The following PTPRD variants were observed in gnomAD, a reference collection of about 807,000 sequenced individuals.
PTPRD encodes receptor-type tyrosine-protein phosphatase delta.
PTPRD carries 34 observed loss-of-function variants against 214.5 expected under a neutral mutation model. That is an observed-to-expected ratio of 0.16 (90% CI 0.12 to 0.21). PTPRD has a LOEUF of 0.21. Among genes scored for constraint, PTPRD ranks in the 10% least tolerant of loss-of-function variants. The pLI, the probability that PTPRD is intolerant of heterozygous loss-of-function variation, is 1.00. For missense variants in PTPRD, 2,545 were observed against 2,398.7 expected, an observed-to-expected ratio of 1.06 and a Z score of -1.27; for synonymous variants, 1,128 against 845.7, an observed-to-expected ratio of 1.33 and a Z score of -5.79.
At chr9:10,371,884 T>A (rs1052964444) in intron 2 of PTPRD, among the ~76,000 whole-genome samples, 4 of 152,126 alleles carry the variant, frequency 2.6e-5, no homozygotes, top group African/African-American at 9.7e-5. Flanking sequence ...GTAAAACAGC[T>A]GATTGCATTT....
At chr9:8,580,814 A>C (rs542240508) in intron 14 of PTPRD, among the ~76,000 whole-genome samples, 2 of 152,306 alleles carry the variant, frequency 1.3e-5, no homozygotes, top group South Asian at 4.1e-4. Context: ...AGCAAATAGC[A>C]AATGTGGATA....
chr9:8,456,707 A>T (rs2096216604), intron 33 of PTPRD, among the ~76,000 whole-genome samples: 1 of 152,272 alleles, frequency 6.6e-6, no homozygotes, highest in Admixed American at 6.5e-5. Context: ...ACTGAAGCCT[A>T]CATTTCAGTC....
chr9:8,702,899 G>C (rs548398370), intron 12 of PTPRD, among the ~76,000 whole-genome samples: 1 of 152,164 alleles, frequency 6.6e-6, no homozygotes, highest in Non-Finnish European at 1.5e-5. Flanking sequence ...GAGCCACTGC[G>C]CCCGGCCATA....
chr9:10,319,673 TTAGAAGTATAACTACTCATC>T (rs1288784043), intron 3 of PTPRD, among the ~76,000 whole-genome samples: 4 of 152,022 alleles, frequency 2.6e-5, no homozygotes, highest in Admixed American at 2.6e-4. Context: ...ATGAATGCAG[TTAGAAGTATAACTACTCATC>T]TAGTGTTTGT....
At chr9:8,497,025 C>A (rs2097290287) in intron 26 of PTPRD, among the ~76,000 whole-genome samples, 1 of 152,150 alleles carries the variant, frequency 6.6e-6, no homozygotes, top group East Asian at 1.9e-4. Context: ...ATATCACAAG[C>A]CCATGACATT....
At chr9:8,384,846 A>T (rs1313790692) in intron 37 of PTPRD, among the ~76,000 whole-genome samples, 1 of 152,068 alleles carries the variant, frequency 6.6e-6, no homozygotes, top group Non-Finnish European at 1.5e-5. Flanking sequence ...GTATTTCTTT[A>T]TATACCCTAA....
chr9:9,773,572 C>T (rs2098771085), intron 5 of PTPRD, among the ~76,000 whole-genome samples: 3 of 152,144 alleles, frequency 2.0e-5, no homozygotes, highest in African/African-American at 7.2e-5. Context: ...CCATCCTCTG[C>T]TCCATTCCCT....
At chr9:8,829,446 G>C (rs1011706548) in intron 11 of PTPRD, among the ~76,000 whole-genome samples, 1 of 152,124 alleles carries the variant, frequency 6.6e-6, no homozygotes, top group Non-Finnish European at 1.5e-5. Flanking sequence ...TTATCATTTT[G>C]TGCATACATC....
chr9:9,880,633 G>A (rs1161550764), intron 5 of PTPRD, among the ~76,000 whole-genome samples: 2 of 152,144 alleles, frequency 1.3e-5, no homozygotes, highest in Non-Finnish European at 2.9e-5. Flanking sequence ...GGGACTCTGT[G>A]TGTGTTGTGT....
At chr9:10,352,372 T>C (rs978032442) in intron 2 of PTPRD, among the ~76,000 whole-genome samples, 1 of 152,060 alleles carries the variant, frequency 6.6e-6, no homozygotes, top group African/African-American at 2.4e-5. Flanking sequence ...TATACTCGAT[T>C]GAATGTTTTG....
At chr9:9,072,416 G>C (rs978234519) in intron 10 of PTPRD, among the ~76,000 whole-genome samples, 2 of 151,944 alleles carry the variant, frequency 1.3e-5, no homozygotes, top group African/African-American at 4.8e-5. Context: ...GGAAGCCAAT[G>C]TTGTAAGAAG....
intron 8 of PTPRD, among the ~76,000 whole-genome samples, chr9:9,514,839 G>C (rs2096795483): frequency 6.6e-6 from 1 of 151,958 alleles, no homozygotes. Flanking sequence ...GCCTACTCTG[G>C]AAATAGCTCC....
At chr9:10,395,630 T>C (rs1246875719) in intron 2 of PTPRD, among the ~76,000 whole-genome samples, 3 of 151,940 alleles carry the variant, frequency 2.0e-5, no homozygotes, top group Admixed American at 6.6e-5. Flanking sequence ...TGACTAATTG[T>C]TGTCCTGCCA....
Position 8,449,854 on chromosome 9 carries a change from G to T in PTPRD, c.3876-17C>A. On this transcript the variant is annotated splice_polypyrimidine_tract_variant and intron_variant, in intron 33 of 45. Transcript: ENST00000381196. Reference sequence around the variant, plus strand: ...GCCCTCTTCCTATAGGGGGAAAATAGAAATTTAAGAAGAAAAGAAAAATCA... The same window carrying T: ...GCCCTCTTCCTATAGGGGGAAAATATAAATTTAAGAAGAAAAGAAAAATCA... 1.2e-6 allele frequency: 2 copies of T among 1,607,950 alleles called. No homozygotes were observed. Among genetic ancestry groups the T allele is most frequent in the East Asian group, 2.2e-5 (1 of 44,834 alleles).
intron 2 of PTPRD, among the ~76,000 whole-genome samples, chr9:10,365,614 T>C (rs1248914732): frequency 1.3e-5 from 2 of 152,162 alleles, no homozygotes; most frequent in African/African-American, 2.4e-5. Context: ...TATCGACTTC[T>C]AGCAGGCAAG....
chr9:9,251,910 C>G (rs2099975626), intron 9 of PTPRD, among the ~76,000 whole-genome samples: 1 of 152,040 alleles, frequency 6.6e-6, no homozygotes, highest in Non-Finnish European at 1.5e-5. Flanking sequence ...TTTCCTTTCC[C>G]AAGTGAAATA....
rs2135963704 is a variant in PTPRD at position 8,486,215 on chromosome 9, G to A, written c.2602C>T (p.Leu868Phe). ...LKFGRKDMEP[L>F]TTLEFSEKED... is the part of the protein sequence containing the mutation. ...TTTTCAGAGAACTCAAGAGTAGTAAGTGGCTCCATATCCTTGCGGCCAAAT... is the reference window on the plus strand; with the variant it reads ...TTTTCAGAGAACTCAAGAGTAGTAAATGGCTCCATATCCTTGCGGCCAAAT... Residue 868 changes from leucine to phenylalanine, a missense_variant, in exon 28 of 46, where the codon CTT becomes TTT. Physicochemically the swap from Leu to Phe is conservative, Grantham distance 22 (BLOSUM62 0). Transcript: ENST00000381196. 1 of 1,614,206 alleles carries A rather than the reference G, an allele frequency of 6.2e-7. No homozygotes were observed. Among genetic ancestry groups the A allele is most frequent in the Non-Finnish European group, 8.5e-7 (1 of 1,180,028 alleles).
chr9:10,463,616 G>A (rs1286167221), intron 2 of PTPRD, among the ~76,000 whole-genome samples: 1 of 151,388 alleles, frequency 6.6e-6, no homozygotes, highest in Non-Finnish European at 1.5e-5. Context: ...CAAGGAAAAA[G>A]AGGGTTTTTT....
chr9:9,726,832 G>A (rs911112068), intron 7 of PTPRD, among the ~76,000 whole-genome samples: 1 of 152,112 alleles, frequency 6.6e-6, no homozygotes, highest in African/African-American at 2.4e-5. Context: ...AATGAAAAAT[G>A]GATAGGAGTG....
Sources: allele counts gnomAD v4.1 joint callset (sites outside exome capture counted in the v4.1 genomes callset), GRCh38; gene constraint gnomAD v4.1.1; transcripts MANE v1.5; gene names NCBI Gene and HGNC (gene_info 2026-07-23, HGNC 2026-07-21).